Variants in LRMDA observed in about 807,000 individuals in gnomAD.
The protein encoded by LRMDA is leucine rich melanocyte differentiation associated, also known as leucine-rich melanocyte differentiation-associated protein.
LRMDA carries 18 observed loss-of-function variants against 29.8 expected under a neutral mutation model. The observed-to-expected ratio is 0.60, with a 90% CI of 0.42 to 0.90. LRMDA has a LOEUF of 0.90. LRMDA is among the 40% of genes least tolerant of loss of function. The pLI is 0.00. For synonymous variants in LRMDA, 125 were observed against 109.4 expected, an observed-to-expected ratio of 1.14 and a Z score of -0.89; for missense variants, 273 against 273.9, an observed-to-expected ratio of 1.00 and a Z score of 0.02.
chr10:75,790,540 C>T (rs1282634930), intron 2 of LRMDA, among the ~76,000 whole-genome samples: 1 of 152,188 alleles, frequency 6.6e-6, no homozygotes, highest in East Asian at 1.9e-4. Context: ...TCCTTGTATT[C>T]CTCTCCTTCC....
chr10:75,527,649 A>G (rs1845427703), intron 2 of LRMDA, among the ~76,000 whole-genome samples: 1 of 148,356 alleles, frequency 6.7e-6, no homozygotes, highest in South Asian at 2.1e-4. Context: ...AATATGTAAT[A>G]TACTGTATAC....
Position 76,105,938 on chromosome 10 carries a change from G to C in LRMDA, c.516+47155G>C, listed in dbSNP as rs191727218. On this transcript the variant is annotated intron_variant, in intron 5 of 6. Coordinates refer to ENST00000611255, the MANE Select transcript of LRMDA (RefSeq NM_001305581.2). ...ATTTTTGTATTTTTAGTAGAGACAG[G>C]GTTCTGCCATGTTGGCCAGGCTGGT... is the stretch of plus-strand genomic sequence containing the variant. 8.0e-4 allele frequency among the ~76,000 whole-genome samples: 122 copies of C among 152,186 alleles called. 2 individuals are homozygous for C. The highest frequency in any genetic ancestry group is 2.9e-3 in the African/African-American group (120 of 41,516).
intron 2 of LRMDA, among the ~76,000 whole-genome samples, chr10:75,859,521 A>G (rs1042029546): frequency 6.6e-6 from 1 of 151,682 alleles, no homozygotes; most frequent in African/African-American, 2.4e-5. Context: ...TTGCCCATGT[A>G]TATTATTGGT....
chr10:76,156,334 T>C (rs1247047373), intron 5 of LRMDA, among the ~76,000 whole-genome samples: 1 of 152,190 alleles, frequency 6.6e-6, no homozygotes, highest in Non-Finnish European at 1.5e-5. Context: ...TGAGAACTCA[T>C]AGTTCAGCAT....
chr10:76,402,745 C>T (rs1002883357), intron 6 of LRMDA, among the ~76,000 whole-genome samples: 2 of 152,126 alleles, frequency 1.3e-5, no homozygotes, highest in Non-Finnish European at 2.9e-5. Flanking sequence ...AGTATTTTCA[C>T]ACCTAAGAAT....
At chr10:75,609,763 T>C (rs987789282) in intron 2 of LRMDA, among the ~76,000 whole-genome samples, 2 of 152,216 alleles carry the variant, frequency 1.3e-5, no homozygotes, top group African/African-American at 2.4e-5. Context: ...GGCTGCGATA[T>C]GCGTGCTCTG....
At chr10:75,915,669 C>G (rs1056479255) in intron 2 of LRMDA, among the ~76,000 whole-genome samples, 1 of 152,138 alleles carries the variant, frequency 6.6e-6, no homozygotes, top group Non-Finnish European at 1.5e-5. Context: ...AGTTTTGGGC[C>G]CTTTCTAAGC....
At chr10:75,493,348 G>GGTGGGTGT (rs148712950) in intron 2 of LRMDA, among the ~76,000 whole-genome samples, 3,769 of 133,308 alleles carry the variant, frequency 0.028, 124 homozygotes, top group African/African-American at 0.07. Flanking sequence ...GTTGAGATTG[G>GGTGGGTGT]GTGTGTGTGT....
chr10:75,775,906 A>T (rs1408388304), intron 2 of LRMDA, among the ~76,000 whole-genome samples: 2 of 152,220 alleles, frequency 1.3e-5, no homozygotes, highest in Non-Finnish European at 2.9e-5. Context: ...TCTGAGGCAG[A>T]AGAAAAGTGT....
At chr10:75,955,819 T>C (rs1235648302) in intron 2 of LRMDA, among the ~76,000 whole-genome samples, 1 of 152,190 alleles carries the variant, frequency 6.6e-6, no homozygotes, top group Non-Finnish European at 1.5e-5. Flanking sequence ...GGAGAAAAGC[T>C]GAAGATGGTA....
intron 2 of LRMDA, among the ~76,000 whole-genome samples, chr10:75,648,732 C>T (rs899934312): frequency 7.2e-5 from 11 of 152,112 alleles, no homozygotes; most frequent in Admixed American, 1.3e-4. Context: ...AAGTTGGAAA[C>T]AGAGAGTATT....
chr10:75,819,570 A>G (rs1844121274), intron 2 of LRMDA, among the ~76,000 whole-genome samples: 1 of 152,196 alleles, frequency 6.6e-6, no homozygotes, highest in Non-Finnish European at 1.5e-5. Flanking sequence ...ATATGTGCCA[A>G]TTATCAGAGA....
chr10:76,239,595 G>GTC (rs371501590), intron 5 of LRMDA, among the ~76,000 whole-genome samples: 13 of 148,648 alleles, frequency 8.7e-5, no homozygotes, highest in African/African-American at 2.2e-4. Flanking sequence ...TTCTCTCTCT[G>GTC]TCTCTCTCTC....
At chr10:76,172,051 C>A (rs1259149551) in intron 5 of LRMDA, among the ~76,000 whole-genome samples, 2 of 152,096 alleles carry the variant, frequency 1.3e-5, no homozygotes, top group Non-Finnish European at 1.5e-5. Context: ...AGAGAGGAAG[C>A]AAGGACCCCA....
At chr10:76,145,348 A>C (rs1453699859) in intron 5 of LRMDA, among the ~76,000 whole-genome samples, 1 of 152,124 alleles carries the variant, frequency 6.6e-6, no homozygotes, top group Admixed American at 6.6e-5. Context: ...TAAGCTATTG[A>C]TTATTGCCTC....
At chr10:75,839,200 C>A (rs936452747) in intron 2 of LRMDA, among the ~76,000 whole-genome samples, 1 of 152,200 alleles carries the variant, frequency 6.6e-6, no homozygotes, top group African/African-American at 2.4e-5. Context: ...TGGCTAAACA[C>A]ACATTTGTTC....
intron 2 of LRMDA, among the ~76,000 whole-genome samples, chr10:76,015,856 C>T (rs1292013275): frequency 6.6e-6 from 1 of 152,226 alleles, no homozygotes; most frequent in Non-Finnish European, 1.5e-5. Context: ...ACCAACTCCT[C>T]TGTTTTCTTA....
chr10:76,458,480 G>A (rs1054658582), intron 6 of LRMDA, among the ~76,000 whole-genome samples: 16 of 152,128 alleles, frequency 1.1e-4, no homozygotes, highest in Admixed American at 9.2e-4. Flanking sequence ...TTTGGCCATC[G>A]TACTGCTATG....
chr10:76,138,287 C>T (rs2132146358), intron 5 of LRMDA, among the ~76,000 whole-genome samples: 1 of 152,220 alleles, frequency 6.6e-6, no homozygotes, highest in South Asian at 2.1e-4. Flanking sequence ...TGCCATATGC[C>T]TTTGGCTGAC....
Sources: gnomAD v4.1 joint callset for allele counts (sites outside exome capture counted in the v4.1 genomes callset) on GRCh38, gnomAD v4.1.1 for gene constraint, MANE v1.5 for transcripts, NCBI Gene and HGNC (gene_info 2026-07-23, HGNC 2026-07-21) for gene names.